The following CC2D2B variants were observed in gnomAD, a reference collection of about 807,000 sequenced individuals.
CC2D2B encodes protein CC2D2B.
A neutral mutation model predicts 161.2 loss-of-function variants in CC2D2B; 128 were observed. The observed-to-expected ratio is 0.79, with a 90% CI of 0.69 to 0.92. The LOEUF (loss-of-function observed/expected upper bound fraction) is 0.92. CC2D2B is among the 40% of genes least tolerant of loss of function. The probability of loss-of-function intolerance (pLI) is 0.00; values close to 1 mark genes in which losing one functional copy is unlikely to be tolerated. For synonymous variants in CC2D2B, 391 were observed against 449.8 expected, an observed-to-expected ratio of 0.87 and a Z score of 1.65; for missense variants, 1,173 against 1,375.1, an observed-to-expected ratio of 0.85 and a Z score of 2.32.
intron 9 of CC2D2B, among the ~76,000 whole-genome samples, chr10:95,942,621 A>T (rs1167027478): frequency 1.3e-5 from 2 of 151,888 alleles, no homozygotes; most frequent in Non-Finnish European, 2.9e-5. Flanking sequence ...TAAATTTTAA[A>T]TTTTTTGCCA....
At chr10:95,928,398 A>G (rs2098543473) in intron 6 of CC2D2B, among the ~76,000 whole-genome samples, 1 of 152,072 alleles carries the variant, frequency 6.6e-6, no homozygotes, top group Non-Finnish European at 1.5e-5. Context: ...AGCCCTGTAC[A>G]TGCACACACA....
At chr10:95,951,391 AT>A (rs2076396508) in intron 10 of CC2D2B, among the ~76,000 whole-genome samples, 1 of 151,932 alleles carries the variant, frequency 6.6e-6, no homozygotes, top group African/African-American at 2.4e-5. Context: ...GGCTCAAGCG[AT>A]TTGCCTGCCT....
intron 17 of CC2D2B, 38 bp from the exon 18 acceptor site, chr10:95,981,937 A>G (rs1007200901): frequency 1.9e-6 from 2 of 1,039,496 alleles, no homozygotes; most frequent in Non-Finnish European, 2.5e-6. Context: ...TATATTTTAT[A>G]TTGTATGCAA....
intron 23 of CC2D2B, 80 bp downstream of exon 23, chr10:95,995,445 C>CATCTATATT: frequency 2.9e-6 from 2 of 699,564 alleles, no homozygotes; most frequent in Non-Finnish European, 4.4e-6. Flanking sequence ...TTCATCTCTC[C>CATCTATATT]ATCTATATTT....
rs2080099090 is a variant in CC2D2B, at chr10:96,032,552, C to T, written c.*544C>T. 1.3e-5 allele frequency: 4 copies of T among 300,800 alleles called. No homozygotes were observed. The highest frequency in any genetic ancestry group is 2.2e-5 in the African/African-American group (1 of 45,638). 18.6% of individuals were successfully genotyped at this position (300,800 alleles called of 1,614,324 possible). ...TGTCACTACTAAACTAAGGCTGGTA[C>T]GTTTGATGCTGGGTCTGATACAATT... On this transcript the variant is annotated 3_prime_UTR_variant, in exon 35 of 35. Coordinates refer to ENST00000646931, the MANE Select transcript of CC2D2B (RefSeq NM_001349008.3).
intron 18 of CC2D2B, 85 bp downstream of exon 18, chr10:95,982,198 C>T: frequency 1.0e-6 from 1 of 967,688 alleles, no homozygotes; most frequent in Non-Finnish European, 1.3e-6. Flanking sequence ...CCATAGTTTG[C>T]TGTATATTTT....
At chr10:95,960,367 G>A (rs2076719212) in intron 11 of CC2D2B, among the ~76,000 whole-genome samples, 1 of 152,106 alleles carries the variant, frequency 6.6e-6, no homozygotes, top group South Asian at 2.1e-4. Context: ...AAATCACACA[G>A]GGAAAGAGAC....
rs1374160059 is a variant in CC2D2B at position 96,009,869 on chromosome 10, G to A, written c.2991G>A (p.Lys997=). Residue 997 remains lysine (K), a synonymous_variant, in exon 26 of 35, where the codon AAG becomes AAA. Transcript: ENST00000646931. ...GTAGTGGTCACTCATATATAAGAAA[G>A]AATTGGCTTGGATGCATTGTCTTCC... ...KSCSGHSYIR[K]NWLGCIVFPF... is the part of the protein sequence containing the mutation. 6.2e-7 allele frequency: 1 copy of A among 1,610,110 alleles called. No individual in the cohort carries two copies. Among genetic ancestry groups the A allele is most frequent in the African/African-American group, 1.3e-5 (1 of 74,942 alleles).
intron 7 of CC2D2B, 146 bp downstream of exon 7, chr10:95,938,335 T>G: frequency 1.6e-6 from 1 of 634,292 alleles, no homozygotes; most frequent in East Asian, 2.7e-5. Flanking sequence ...TTCCCTGAAT[T>G]AAGGGAACTG....
intron 2 of CC2D2B, 156 bp from the exon 3 acceptor site, chr10:95,921,860 T>C (rs965636649): frequency 2.4e-6 from 1 of 421,412 alleles, no homozygotes; most frequent in Non-Finnish European, 4.4e-6. Context: ...GACGAGTTGA[T>C]GGGTGCAGCA....
At chr10:95,992,457 C>T (rs2077994771) in intron 21 of CC2D2B, 70 bp from the exon 22 acceptor site, 2 of 1,118,018 alleles carry the variant, frequency 1.8e-6, no homozygotes, top group South Asian at 4.6e-5. Context: ...ATTTCAATTA[C>T]TCAAAAGACT....
chr10:95,967,735 C>T (rs909378131), intron 14 of CC2D2B, among the ~76,000 whole-genome samples: 4 of 152,090 alleles, frequency 2.6e-5, no homozygotes, highest in African/African-American at 7.2e-5. Context: ...TTAGATATTT[C>T]TTGAAAGGTA....
intron 5 of CC2D2B, among the ~76,000 whole-genome samples, chr10:95,925,743 G>A (rs145865624): frequency 2.5e-3 from 381 of 152,304 alleles, no homozygotes; most frequent in Middle Eastern, 6.8e-3. Context: ...TCTCCAATAT[G>A]TGGTTTCCAT....
intron 17 of CC2D2B, among the ~76,000 whole-genome samples, chr10:95,980,668 C>G (rs558000310): frequency 6.6e-6 from 1 of 152,232 alleles, no homozygotes; most frequent in South Asian, 2.1e-4. Flanking sequence ...CAAACTTCAC[C>G]TGTTCGTAAT....
intron 10 of CC2D2B, among the ~76,000 whole-genome samples, chr10:95,951,793 G>T (rs2076409524): frequency 6.6e-6 from 1 of 151,844 alleles, no homozygotes; most frequent in Admixed American, 6.6e-5. Flanking sequence ...TATATGCATG[G>T]CTCTCTGCAT....
chr10:95,911,907 T>C (rs2141098368), intron 2 of CC2D2B, among the ~76,000 whole-genome samples: 1 of 152,276 alleles, frequency 6.6e-6, no homozygotes, highest in East Asian at 1.9e-4. Flanking sequence ...GAATTAGGTA[T>C]TTTTTATTGT....
chr10:96,023,704 G>A (rs2079565535), intron 32 of CC2D2B, among the ~76,000 whole-genome samples: 1 of 152,180 alleles, frequency 6.6e-6, no homozygotes, highest in South Asian at 2.1e-4. Flanking sequence ...CTACCATGCT[G>A]TACTGTGGGG....
At chr10:96,009,783 CAT>C in intron 25 of CC2D2B, 40 bp from the exon 26 acceptor site, 2 of 851,316 alleles carry the variant, frequency 2.3e-6, no homozygotes, top group Non-Finnish European at 3.6e-6. Flanking sequence ...CTATTCATCA[CAT>C]GATATTAAGT....
chr10:95,910,665 G>C (rs901578157), intron 1 of CC2D2B, among the ~76,000 whole-genome samples: 2 of 152,202 alleles, frequency 1.3e-5, no homozygotes, highest in Non-Finnish European at 2.9e-5. Context: ...CATCCAAATA[G>C]ATCTCTAGTA....
Sources: gnomAD v4.1 joint callset for allele counts (sites outside exome capture counted in the v4.1 genomes callset) on GRCh38, gnomAD v4.1.1 for gene constraint, MANE v1.5 for transcripts, NCBI Gene and HGNC (gene_info 2026-07-23, HGNC 2026-07-21) for gene names.